Variants in VPS53 observed in about 807,000 individuals in gnomAD.
VPS53 encodes vacuolar protein sorting-associated protein 53 homolog.
VPS53 carries 70 observed loss-of-function variants against 107.0 expected under a neutral mutation model. The ratio of observed to expected loss-of-function variants is 0.65; its 90% CI spans 0.54 to 0.80. The LOEUF is 0.80. Ranked by LOEUF, VPS53 falls within the 30% of genes least tolerant of loss-of-function variation. The pLI is 0.00. For synonymous variants in VPS53, 409 were observed against 393.3 expected (o/e 1.04, Z -0.47); for missense variants, 917 against 1,049.4 (o/e 0.87, Z 1.74).
At chr17:542,816 C>A (rs1286587012) in intron 17 of VPS53, among the ~76,000 whole-genome samples, 6 of 151,782 alleles carry the variant, frequency 4.0e-5, no homozygotes, top group Non-Finnish European at 5.9e-5. Flanking sequence ...CCGTCTCTAC[C>A]AAAAATACAA....
intron 4 of VPS53, among the ~76,000 whole-genome samples, chr17:677,572 C>G (rs1362772161): frequency 6.6e-6 from 1 of 151,708 alleles, no homozygotes; most frequent in Non-Finnish European, 1.5e-5. Context: ...GTAATTAATA[C>G]CACTAATTAT....
chr17:562,468 T>C (rs1237810693), intron 14 of VPS53, 35 bp downstream of exon 14: 3 of 1,609,268 alleles, frequency 1.9e-6, no homozygotes, highest in Middle Eastern at 1.7e-4. Flanking sequence ...TTAGGTCTAT[T>C]TGCCACCACT....
chr17:559,598 A>T lies in VPS53; in HGVS notation c.1704+828T>A, dbSNP rs79225570. 9.7e-3 allele frequency among the ~76,000 whole-genome samples: 1,482 copies of T among 152,330 alleles called. 31 individuals carry two copies. The highest frequency in any genetic ancestry group is 0.034 in the African/African-American group (1,418 of 41,562). Reference sequence around the variant, plus strand: ...ATGTGCCACTGAGGGGCCTTGGTAGACACACTTCCTATTTGACCTGCTATA... The same window carrying T: ...ATGTGCCACTGAGGGGCCTTGGTAGTCACACTTCCTATTTGACCTGCTATA... On this transcript the variant is annotated intron_variant, in intron 15 of 21. Transcript: ENST00000437048.
At chr17:692,077 T>C (rs61305341) in intron 4 of VPS53, among the ~76,000 whole-genome samples, 5,531 of 152,204 alleles carry the variant, frequency 0.036, 140 homozygotes, top group East Asian at 0.069. Context: ...CCAGGCTCCA[T>C]TGAAGAGACA....
In VPS53 at chr17:646,175, C is replaced by T. The variant is rs111832924; in HGVS notation, c.608+7116G>A. ...AGGGTCTTATCTTTTCTAATTCATA[C>T]CACGGACTGGAGACTGGCTCCCACA... On this transcript the variant is annotated intron_variant, in intron 7 of 21. Transcript: ENST00000437048. 9.6e-5 allele frequency among the ~76,000 whole-genome samples: 11 copies of T among 114,560 alleles called. 3 individuals are homozygous for T. Among genetic ancestry groups the T allele is most frequent in the East Asian group, 6.8e-4 (2 of 2,962 alleles). 75.2% of individuals were successfully genotyped at this position (114,560 alleles called of 152,430 possible).
chr17:523,206 G>GGCA (rs759879023), intron 19 of VPS53: 392 of 153,036 alleles, frequency 2.6e-3, no homozygotes, highest in Admixed American at 8.2e-3. Flanking sequence ...GGCAACCAGG[G>GGCA]AGCAGAGAAA....
intron 6 of VPS53, among the ~76,000 whole-genome samples, chr17:655,121 G>A (rs145405255): frequency 2.6e-5 from 4 of 152,270 alleles, no homozygotes; most frequent in Non-Finnish European, 4.4e-5. Flanking sequence ...GTCCACATAC[G>A]GAATCACACT....
chr17:637,771 G>A (rs1970255888), intron 7 of VPS53, among the ~76,000 whole-genome samples: 1 of 152,160 alleles, frequency 6.6e-6, no homozygotes. Flanking sequence ...ATTGCACTGT[G>A]GTCTGAGAGA....
intron 19 of VPS53, among the ~76,000 whole-genome samples, chr17:525,564 C>T (rs139377576): frequency 6.6e-6 from 1 of 152,048 alleles, no homozygotes; most frequent in Non-Finnish European, 1.5e-5. Context: ...CACAGTGGCA[C>T]ACACTTGTAG....
intron 5 of VPS53, chr17:657,076 G>A (rs1971224837): frequency 6.2e-6 from 6 of 960,760 alleles, no homozygotes; most frequent in Middle Eastern, 2.1e-4. Context: ...TGATGAAATC[G>A]GTCATCTTGC....
intron 4 of VPS53, among the ~76,000 whole-genome samples, chr17:664,140 G>T (rs903777656): frequency 6.6e-6 from 1 of 151,936 alleles, no homozygotes; most frequent in South Asian, 2.1e-4. Flanking sequence ...GTTAAGTGGC[G>T]TGATCTCAGC....
intron 2 of VPS53, among the ~76,000 whole-genome samples, chr17:708,453 T>C (rs1161095378): frequency 1.3e-5 from 2 of 152,132 alleles, no homozygotes; most frequent in African/African-American, 2.4e-5. Context: ...TTCTAAGAAC[T>C]TAAAGGAGGA....
At chr17:655,757 A>T in intron 6 of VPS53, 81 bp downstream of exon 6, 2 of 1,292,430 alleles carry the variant, frequency 1.5e-6, no homozygotes, top group Non-Finnish European at 2.1e-6. Context: ...TTCCTGGCTG[A>T]GAAGTAAATA....
chr17:672,445 C>T (rs1395855005), intron 4 of VPS53, among the ~76,000 whole-genome samples: 1 of 152,132 alleles, frequency 6.6e-6, no homozygotes, highest in Non-Finnish European at 1.5e-5. Context: ...TTAATGGCAA[C>T]TATTAGTATT....
chr17:620,320 G>C (rs914073569), intron 11 of VPS53, among the ~76,000 whole-genome samples: 6 of 152,168 alleles, frequency 3.9e-5, no homozygotes, highest in African/African-American at 1.4e-4. Flanking sequence ...CGATTCACCC[G>C]CTTCACCTGC....
chr17:592,793 G>A (rs538239303), intron 12 of VPS53, among the ~76,000 whole-genome samples: 2 of 152,130 alleles, frequency 1.3e-5, no homozygotes, highest in Non-Finnish European at 2.9e-5. Context: ...AGGATAACCC[G>A]ACCTTTCTCT....
chr17:617,624 C>A (rs551016374), intron 11 of VPS53, among the ~76,000 whole-genome samples: 20 of 149,958 alleles, frequency 1.3e-4, no homozygotes, highest in Non-Finnish European at 2.5e-4. Flanking sequence ...GCTATTATTT[C>A]CCAGGTAGCT....
At chr17:604,625 G>T (rs1968481473) in intron 11 of VPS53, among the ~76,000 whole-genome samples, 2 of 152,156 alleles carry the variant, frequency 1.3e-5, no homozygotes, top group African/African-American at 4.8e-5. Context: ...TGTATTTTTT[G>T]TAGAGATGGG....
rs1487370136 is a variant in VPS53 at position 614,950 on chromosome 17, C to T, written c.1116+8583G>A. Among the ~76,000 whole-genome samples, 8 of 152,082 alleles carry T rather than the reference C, an allele frequency of 5.3e-5. No individual in the cohort carries two copies. The East Asian group carries it at 1.5e-3, about 29-fold the overall frequency. On this transcript the variant is annotated intron_variant, in intron 11 of 21. Transcript: ENST00000437048. ...TTTAATTTTATTACTACAAAAAAAA[C>T]AAAAAACAAAACAAAAACCTCCCAG...
Sources: gnomAD v4.1 joint callset for allele counts (sites outside exome capture counted in the v4.1 genomes callset) on GRCh38, gnomAD v4.1.1 for gene constraint, MANE v1.5 for transcripts, NCBI Gene and HGNC (gene_info 2026-07-23, HGNC 2026-07-21) for gene names.